The following SAMHD1 variants were observed in gnomAD, a reference collection of about 807,000 sequenced individuals.
SAMHD1 encodes the protein SAM and HD domain containing deoxynucleoside triphosphate triphosphohydrolase 1.
SAMHD1 carries 54 observed loss-of-function variants against 79.6 expected under a neutral mutation model. That is an observed-to-expected ratio of 0.68 (90% CI 0.55 to 0.85). The LOEUF is 0.85. Among genes scored for constraint, SAMHD1 ranks in the 40% least tolerant of loss-of-function variants. The probability of loss-of-function intolerance (pLI) is 0.00; values close to 1 mark genes in which losing one functional copy is unlikely to be tolerated. For synonymous variants in SAMHD1, 260 were observed against 264.1 expected (o/e 0.98, Z 0.15); for missense variants, 663 against 782.7 (o/e 0.85, Z 1.82).
intron 4 of SAMHD1, 102 bp downstream of exon 4, chr20:36,934,927 G>A: frequency 7.9e-7 from 1 of 1,257,882 alleles, no homozygotes; most frequent in Non-Finnish European, 1.2e-6. Flanking sequence ...CAAAGTGCTG[G>A]GATTATAGGT....
chr20:36,901,982 T>C (rs1450702626), intron 13 of SAMHD1, among the ~76,000 whole-genome samples: 2 of 152,200 alleles, frequency 1.3e-5, no homozygotes, highest in African/African-American at 4.8e-5. Context: ...ATGGGAATAC[T>C]GAATACAGTG....
intron 13 of SAMHD1, among the ~76,000 whole-genome samples, chr20:36,903,398 C>A (rs1320807307): frequency 6.6e-6 from 1 of 151,414 alleles, no homozygotes; most frequent in Non-Finnish European, 1.5e-5. Flanking sequence ...CACCACCATA[C>A]CCAGCTAATT....
At chr20:36,899,976 C>T (rs1172291792) in intron 13 of SAMHD1, among the ~76,000 whole-genome samples, 1 of 151,606 alleles carries the variant, frequency 6.6e-6, no homozygotes, top group African/African-American at 2.4e-5. Context: ...CGCCTGTAGT[C>T]CCGGCTACTC....
At chr20:36,946,412 CA>C (rs747820850) in intron 2 of SAMHD1, 7,270 of 194,284 alleles carry the variant, frequency 0.037, 1 homozygote, top group South Asian at 0.067. Context: ...GACTCTGTCT[CA>C]AAAAAAAAAA....
intron 6 of SAMHD1, among the ~76,000 whole-genome samples, chr20:36,921,417 T>C (rs1262193600): frequency 1.0e-4 from 12 of 116,912 alleles, no homozygotes; most frequent in African/African-American, 4.0e-4. Context: ...AAAAAACGAA[T>C]TGAATCAAGA....
At chr20:36,933,822 G>A (rs1489388483) in intron 4 of SAMHD1, among the ~76,000 whole-genome samples, 4 of 152,012 alleles carry the variant, frequency 2.6e-5, no homozygotes, top group South Asian at 2.1e-4. Flanking sequence ...CGAGGCGGGC[G>A]GATCACGAGG....
intron 13 of SAMHD1, among the ~76,000 whole-genome samples, chr20:36,898,910 C>CAAAAAAAAAAAAAAAAAA (rs57902699): frequency 1.4e-5 from 1 of 69,426 alleles, no homozygotes; most frequent in Non-Finnish European, 2.9e-5. Context: ...GACTCTGACT[C>CAAAAAAAAAAAAAAAAAA]AAAAAAAAAA....
chr20:36,922,481 G>A lies in SAMHD1; in HGVS notation c.697-2962C>T, dbSNP rs1198861890. 2.0e-5 allele frequency among the ~76,000 whole-genome samples: 3 copies of A among 152,118 alleles called. No individual in the cohort carries two copies. The South Asian group carries it at 6.2e-4, about 32-fold the overall frequency. ...AGCTCAGTGTATCCCTGAACTCCTGGATTCAAGTAATCCTCCCGTTCTCAG... is the reference window on the plus strand; with the variant it reads ...AGCTCAGTGTATCCCTGAACTCCTGAATTCAAGTAATCCTCCCGTTCTCAG... On this transcript the variant is annotated intron_variant, in intron 6 of 15. Transcript: ENST00000646673.
In SAMHD1 at chr20:36,911,268, T is replaced by C; in HGVS notation, c.1220A>G (p.Tyr407Cys). 1.2e-6 allele frequency: 2 copies of C among 1,613,444 alleles called. No homozygotes were observed. Among genetic ancestry groups the C allele is most frequent in the South Asian group, 1.1e-5 (1 of 91,080 alleles). ...GTCGTCAATTGCTGTAGAAATGCGA[T>C]ACTTTTTTCCTCCAGCACCTGTAAT... Reference protein sequence around the residue: ...IEITGAGGKKYRISTAIDDME... With the variant: ...IEITGAGGKKCRISTAIDDME... Residue 407 changes from tyrosine to cysteine, a missense_variant, in exon 11 of 16, where the codon TAT (tyrosine) becomes TGT (cysteine). By Grantham distance (194) the Tyr-to-Cys change is radical. Transcript: ENST00000646673.
chr20:36,940,991 T>A, intron 3 of SAMHD1, 48 bp downstream of exon 3: 1 of 1,350,486 alleles, frequency 7.4e-7, no homozygotes, highest in Admixed American at 1.7e-5. Context: ...CATAATTGAG[T>A]TATATCACTT....
intron 1 of SAMHD1, among the ~76,000 whole-genome samples, chr20:36,949,190 A>T (rs929055680): frequency 1.3e-5 from 2 of 151,342 alleles, no homozygotes; most frequent in Non-Finnish European, 2.9e-5. Flanking sequence ...CTTGAACCCG[A>T]GAGGCAGAGG....
intron 3 of SAMHD1, among the ~76,000 whole-genome samples, chr20:36,937,862 T>C (rs2063615092): frequency 6.6e-6 from 1 of 150,852 alleles, no homozygotes; most frequent in Non-Finnish European, 1.5e-5. Context: ...GTTGGTTTGT[T>C]TTTTTTTTTT....
Position 36,940,895 on chromosome 20 carries a change from G to C in SAMHD1, c.348+144C>G, listed in dbSNP as rs1260463700. The stretch of plus-strand genomic sequence containing the variant: ...AAATACTCTGTGCTCATTTTAGAAA[G>C]TGCAGAAAGTTTAGAAAAGATCCAC... On this transcript the variant is annotated intron_variant, in intron 3 of 15. Transcript: ENST00000646673. The C allele has an allele frequency of 4.4e-6, 3 of 677,510 alleles. No individual in the cohort carries two copies. In the East Asian group the frequency reaches 8.1e-5, roughly 18 times the overall value. The allele number at this position is 677,510 out of a possible 1,614,324, so 42.0% of individuals were successfully genotyped here.
intron 3 of SAMHD1, among the ~76,000 whole-genome samples, chr20:36,939,790 A>G (rs2063629485): frequency 6.6e-6 from 1 of 152,188 alleles, no homozygotes; most frequent in Non-Finnish European, 1.5e-5. Context: ...CCAGGTCTGA[A>G]ACTAAGTTTT....
chr20:36,913,673 CTTAAA>C (rs1191818594), intron 9 of SAMHD1, among the ~76,000 whole-genome samples: 1 of 149,820 alleles, frequency 6.7e-6, no homozygotes, highest in African/African-American at 2.4e-5. Context: ...TTTTAGGCAT[CTTAAA>C]TTAAATATAT....
rs1252974406 is a variant in SAMHD1 at position 36,941,072 on chromosome 20, C to A, written c.315G>T (p.Gln105His). The change falls in exon 3 of 16, where the codon CAG becomes CAT. Residue 105 changes from glutamine (Q) to histidine (H), a missense_variant. By Grantham distance (24) the Gln-to-His change is conservative (BLOSUM62 0). Transcript: ENST00000646673. ...GERKKLLSYI[Q>H]RLVQIHVDTM... ...TATCAACGTGGATTTGAACCAATCG[C>A]TGGATATAACTAAGCAGCTTCTTCC... 6.2e-7 allele frequency: 1 copy of A among 1,613,448 alleles called. No homozygotes were observed. Among genetic ancestry groups the A allele is most frequent in the African/African-American group, 1.3e-5 (1 of 74,890 alleles).
rs186522523 is a variant in SAMHD1, at chr20:36,942,244, C to T, written c.276-1133G>A. Among the ~76,000 whole-genome samples the T allele has an allele frequency of 6.1e-3, 926 of 152,168 alleles. 7 individuals are homozygous for T. The highest frequency in any genetic ancestry group is 0.012 in the South Asian group (56 of 4,812). On this transcript the variant is annotated intron_variant, in intron 2 of 15. Transcript: ENST00000646673. The stretch of plus-strand genomic sequence containing the variant: ...AAGCCTGACTAACATGGAGAAACCC[C>T]GTCTCTTCTAAAAATACAAAATTAG...
chr20:36,921,494 A>G (rs2063504736), intron 6 of SAMHD1, among the ~76,000 whole-genome samples: 1 of 151,878 alleles, frequency 6.6e-6, no homozygotes, highest in Admixed American at 6.6e-5. Flanking sequence ...CAATGCCTTA[A>G]TCAAGTAAGC....
chr20:36,951,433 T>C lies in SAMHD1; in HGVS notation c.208+3A>G. 6.2e-7 allele frequency: 1 copy of C among 1,613,788 alleles called. No individual in the cohort carries two copies. Among genetic ancestry groups the C allele is most frequent in the African/African-American group, 1.3e-5 (1 of 75,050 alleles). On this transcript the variant is annotated splice_donor_region_variant and intron_variant, in intron 1 of 15. Coordinates refer to ENST00000646673, the MANE Select transcript of SAMHD1 (RefSeq NM_015474.4). ...CGCCCCTCAGCCCCTCCGGAGCCGC[T>C]ACCTCGGATGTTCTTCAGCAGCACC...
Sources: allele counts gnomAD v4.1 joint callset (sites outside exome capture counted in the v4.1 genomes callset), GRCh38; gene constraint gnomAD v4.1.1; transcripts MANE v1.5; gene names NCBI Gene and HGNC (gene_info 2026-07-23, HGNC 2026-07-21).